The following PMPCA variants were observed in gnomAD, a reference collection of about 807,000 sequenced individuals.
PMPCA encodes the protein peptidase, mitochondrial processing subunit alpha.
A neutral mutation model predicts 59.3 loss-of-function variants in PMPCA; 47 were observed. The observed-to-expected ratio is 0.79, with a 90% CI of 0.63 to 1.01. PMPCA has a LOEUF of 1.01. Among genes scored for constraint, PMPCA ranks in the 50% least tolerant of loss-of-function variants. The pLI is 0.00. For synonymous variants in PMPCA, 338 were observed against 290.3 expected, an observed-to-expected ratio of 1.16 and a Z score of -1.67; for missense variants, 726 against 704.5, an observed-to-expected ratio of 1.03 and a Z score of -0.34.
intron 7 of PMPCA, among the ~76,000 whole-genome samples, chr9:136,417,509 G>A (rs1835315435): frequency 6.8e-6 from 1 of 147,902 alleles, no homozygotes; most frequent in African/African-American, 2.5e-5. Context: ...GCCTCGCTCT[G>A]TCACCCAGGC....
chr9:136,417,925 C>G lies in PMPCA; in HGVS notation c.898-92C>G, dbSNP rs530421024. On this transcript the variant is annotated intron_variant, in intron 7 of 12. Coordinates refer to ENST00000371717, the MANE Select transcript of PMPCA (RefSeq NM_015160.3). ...ACTGTGCCTGGCTGGCATTGGATTT[C>G]TGTGTAACCACTCTGAAGATGATCT... is the stretch of plus-strand genomic sequence containing the variant. 1.2e-4 allele frequency: 113 copies of G among 942,540 alleles called. No individual in the cohort carries two copies. In the South Asian group the frequency reaches 1.5e-3, roughly 12 times the overall value. 58.4% of individuals were successfully genotyped at this position (942,540 alleles called of 1,614,324 possible). A position where few individuals can be genotyped will look rare whatever the true frequency, so the allele number is the denominator to read the frequency against.
intron 11 of PMPCA, 98 bp downstream of exon 11, chr9:136,419,204 C>T (rs1564424202): frequency 8.8e-7 from 1 of 1,134,878 alleles, no homozygotes; most frequent in Admixed American, 1.7e-5. Flanking sequence ...GGTCCCTGAG[C>T]CTCAGGGCCA....
At chr9:136,411,230 G>C (rs1031285107) in intron 1 of PMPCA, 1 of 155,418 alleles carries the variant, frequency 6.4e-6, no homozygotes, top group African/African-American at 2.4e-5. Flanking sequence ...ACTTTGTTCC[G>C]ACAGCACAGG....
chr9:136,417,902 T>C (rs1835327587), intron 7 of PMPCA, 115 bp from the exon 8 acceptor site: 2 of 790,522 alleles, frequency 2.5e-6, no homozygotes, highest in Non-Finnish European at 4.4e-6. Context: ...CATGAGCCAC[T>C]GTGCCTGGCT....
rs775852431 is a variant in PMPCA, at chr9:136,417,049, C to T, written c.732C>T (p.Asn244=). 7 of 1,613,882 alleles carry T rather than the reference C, an allele frequency of 4.3e-6. No homozygotes were observed. Among genetic ancestry groups the T allele is most frequent in the Middle Eastern group, 3.3e-4 (2 of 6,012 alleles). Residue 244 remains asparagine, a synonymous_variant, in exon 7 of 13, where the codon AAC becomes AAT. Transcript: ENST00000371717. ...NREVLHSYLR[N]YYTPDRMVLA... is the part of the protein sequence containing the mutation. ...AGGTGCTGCATTCCTACCTGAGGAACTACTACACTCCCGACCGCATGGTGC... is the reference window on the plus strand; with the variant it reads ...AGGTGCTGCATTCCTACCTGAGGAATTACTACACTCCCGACCGCATGGTGC...
chr9:136,412,235 G>C (rs199812806), intron 2 of PMPCA, 36 bp downstream of exon 2: 68 of 1,414,124 alleles, frequency 4.8e-5, no homozygotes, highest in Non-Finnish European at 6.1e-5. Flanking sequence ...TGGTCCCGCA[G>C]TTTTAACATG....
intron 8 of PMPCA, among the ~76,000 whole-genome samples, 180 bp from the exon 9 acceptor site, chr9:136,418,375 G>A (rs555487970): frequency 2.7e-5 from 4 of 150,306 alleles, no homozygotes; most frequent in Non-Finnish European, 4.5e-5. Flanking sequence ...CCTGGCATCC[G>A]ACGGCGCTCC....
rs1130635 is a variant in PMPCA, at chr9:136,423,417, T to C, written c.*153T>C. 0.26 allele frequency: 198,897 copies of C among 752,380 alleles called. 27,224 individuals carry two copies. Among genetic ancestry groups the C allele is most frequent in the Non-Finnish European group, 0.3 (141,211 of 474,430 alleles). The allele number at this position is 752,380 out of a possible 1,614,324, so 46.6% of individuals were successfully genotyped here. ...AGCACCCACGCGGTTTGCATTCTTTTGGAACTCAATGTGCCGATCAGTGGA... is the reference window on the plus strand; with the variant it reads ...AGCACCCACGCGGTTTGCATTCTTTCGGAACTCAATGTGCCGATCAGTGGA... On this transcript the variant is annotated 3_prime_UTR_variant, in exon 13 of 13. Coordinates refer to ENST00000371717, the MANE Select transcript of PMPCA (RefSeq NM_015160.3).
At position 136,416,757 on chromosome 9, in the gene PMPCA, A is replaced by T. The variant is rs1169429036; in HGVS notation, c.634-194A>T. 1.5e-5 allele frequency: 9 copies of T among 596,884 alleles called. No individual in the cohort carries two copies. The Admixed American group carries it at 1.8e-4, about 12-fold the overall frequency. 37.0% of individuals were successfully genotyped at this position (596,884 alleles called of 1,614,324 possible). On this transcript the variant is annotated intron_variant, in intron 6 of 12. Coordinates refer to ENST00000371717, the MANE Select transcript of PMPCA (RefSeq NM_015160.3). ...CACAATTAATCTTAGGCTTTTTGTGAATTTGTATTCTGGAGAGGCAGATTT... is the reference window on the plus strand; with the variant it reads ...CACAATTAATCTTAGGCTTTTTGTGTATTTGTATTCTGGAGAGGCAGATTT...
chr9:136,418,563 C>G lies in PMPCA; in HGVS notation c.999C>G (p.Asp333Glu). ...GLESCSFLEEDFIPFAVLNMM... is the reference protein window; with the variant it reads ...GLESCSFLEEEFIPFAVLNMM... ...GCCCTCCGTCCCTGCAGGAGGAGGA[C>G]TTCATCCCCTTTGCAGTGTTGAACA... is the stretch of plus-strand genomic sequence containing the variant. The change falls in exon 9 of 13, where the codon GAC becomes GAG. Residue 333 changes from aspartate to glutamate, a missense_variant. Transcript: ENST00000371717. 1.2e-6 allele frequency: 2 copies of G among 1,608,132 alleles called. No individual in the cohort carries two copies. Among genetic ancestry groups the G allele is most frequent in the Middle Eastern group, 3.3e-4 (2 of 6,048 alleles).
rs368653146 is a variant in PMPCA at position 136,419,069 on chromosome 9, C to T, written c.1226C>T (p.Thr409Ile). 1 of 1,614,018 alleles carries T rather than the reference C, an allele frequency of 6.2e-7. No homozygotes were observed. The highest frequency in any genetic ancestry group is 1.1e-5 in the South Asian group (1 of 91,084). ...RQVREMVEII[T>I]KEFILMGGTV... ...GTTCGAGAAATGGTAGAAATCATCACAAAGGAGTTTATTTTAATGGGCGGA... is the reference window on the plus strand; with the variant it reads ...GTTCGAGAAATGGTAGAAATCATCATAAAGGAGTTTATTTTAATGGGCGGA... The change falls in exon 11 of 13, where the codon ACA becomes ATA. Residue 409 changes from threonine (T) to isoleucine (I), a missense_variant. Physicochemically the swap from Thr to Ile is moderately conservative, Grantham distance 89 (BLOSUM62 -1). Transcript: ENST00000371717.
chr9:136,412,961 T>C (rs1487121865), intron 4 of PMPCA, 69 bp downstream of exon 4: 2 of 926,784 alleles, frequency 2.2e-6, no homozygotes, highest in South Asian at 1.3e-5. Context: ...GTTGCTCAGA[T>C]TCCCTCTGAG....
At position 136,423,162 on chromosome 9, in the gene PMPCA, C is replaced by CG. The variant is rs1212821260; in HGVS notation, c.1477dup (p.Ala493GlyfsTer4). ...TGCTCCGAGGGAAGCCGGCAGTGGC[C>CG]GCCCTGGGTGACCTGACTGACCTGC... On this transcript the variant is annotated frameshift_variant, in exon 13 of 13. Coordinates refer to ENST00000371717, the MANE Select transcript of PMPCA (RefSeq NM_015160.3). LOFTEE classifies it high-confidence loss of function. 1 of 1,613,670 alleles carries CG rather than the reference C, an allele frequency of 6.2e-7. No individual in the cohort carries two copies. The highest frequency in any genetic ancestry group is 8.5e-7 in the Non-Finnish European group (1 of 1,180,038).
chr9:136,412,212 G>T lies in PMPCA; in HGVS notation c.274+13G>T. 6.3e-7 allele frequency: 1 copy of T among 1,586,884 alleles called. No homozygotes were observed. ...TGTACAGTAGGAAGTAAGTACTGTT[G>T]TGTTGTCGTGGGTGGTCCCGCAGTT... On this transcript the variant is annotated intron_variant, in intron 2 of 12. Coordinates refer to ENST00000371717, the MANE Select transcript of PMPCA (RefSeq NM_015160.3).
chr9:136,418,130 T>C (rs1394130421), intron 8 of PMPCA, 21 bp downstream of exon 8: 2 of 1,544,822 alleles, frequency 1.3e-6, no homozygotes, highest in Admixed American at 1.7e-5. Flanking sequence ...GTGCTGGGTC[T>C]GATGGCGTTC....
chr9:136,416,173 T>G, intron 5 of PMPCA, 118 bp from the exon 6 acceptor site: 1 of 722,692 alleles, frequency 1.4e-6, no homozygotes, highest in Non-Finnish European at 2.4e-6. Flanking sequence ...AAGGCAGAGG[T>G]GACTGCCAAC....
In PMPCA at chr9:136,418,638, C is replaced by T; in HGVS notation, c.1074C>T (p.Gly358=). Residue 358 remains glycine, a synonymous_variant, in exon 9 of 13, where the codon GGC becomes GGT. Coordinates refer to ENST00000371717, the MANE Select transcript of PMPCA (RefSeq NM_015160.3). ...TCTCGGCTGGTGGGCCCGGCAAGGG[C>T]ATGTTCTCCAGGCTCTACCTCAACG... ...GSFSAGGPGK[G]MFSRLYLNVL... The T allele has an allele frequency of 6.2e-7, 1 of 1,613,180 alleles. No homozygotes were observed. Among genetic ancestry groups the T allele is most frequent in the South Asian group, 1.1e-5 (1 of 91,060 alleles).
intron 4 of PMPCA, 53 bp downstream of exon 4, chr9:136,412,945 C>G (rs935843834): frequency 3.9e-6 from 4 of 1,031,642 alleles, no homozygotes; most frequent in Non-Finnish European, 6.1e-6. Context: ...AACTGACGTT[C>G]TTGTCGTTGC....
At position 136,423,191 on chromosome 9, in the gene PMPCA, C is replaced by A. The variant is rs1490474361; in HGVS notation, c.1505C>A (p.Thr502Lys). The stretch of plus-strand genomic sequence containing the variant: ...CTGGGTGACCTGACTGACCTGCCCA[C>A]GTATGAGCACATCCAGACCGCCCTG... ...AALGDLTDLP[T>K]YEHIQTALSS... Residue 502 changes from threonine to lysine, a missense_variant, in exon 13 of 13, where the codon ACG (threonine) becomes AAG (lysine). Transcript: ENST00000371717. The A allele has an allele frequency of 2.5e-6, 4 of 1,613,676 alleles. No homozygotes were observed. Among genetic ancestry groups the A allele is most frequent in the Non-Finnish European group, 3.4e-6 (4 of 1,180,044 alleles).
Sources: gnomAD v4.1 joint callset for allele counts (sites outside exome capture counted in the v4.1 genomes callset) on GRCh38, gnomAD v4.1.1 for gene constraint, MANE v1.5 for transcripts, NCBI Gene and HGNC (gene_info 2026-07-23, HGNC 2026-07-21) for gene names.